The following KIRREL3 variants were observed in gnomAD, a reference collection of about 807,000 sequenced individuals.
KIRREL3 encodes kirre like nephrin family adhesion molecule 3.
A neutral mutation model predicts 89.7 loss-of-function variants in KIRREL3; 36 were observed. The ratio of observed to expected loss-of-function variants is 0.40; its 90% CI spans 0.31 to 0.53. The LOEUF (loss-of-function observed/expected upper bound fraction) is 0.53, where lower values mean the gene tolerates loss of function less well. Among genes scored for constraint, KIRREL3 ranks in the 20% least tolerant of loss-of-function variants. The pLI is 0.49. For synonymous variants in KIRREL3, 445 were observed against 441.4 expected, an observed-to-expected ratio of 1.01 and a Z score of -0.10; for missense variants, 864 against 1,056.6, an observed-to-expected ratio of 0.82 and a Z score of 2.53.
chr11:126,506,257 A>G (rs1958009897), intron 4 of KIRREL3, among the ~76,000 whole-genome samples: 1 of 152,202 alleles, frequency 6.6e-6, no homozygotes, highest in African/African-American at 2.4e-5. Flanking sequence ...TATCAAACTG[A>G]ACTTGATTAA....
chr11:126,590,072 T>C (rs1411336230), intron 1 of KIRREL3, among the ~76,000 whole-genome samples: 1 of 152,230 alleles, frequency 6.6e-6, no homozygotes, highest in Admixed American at 6.5e-5. Flanking sequence ...GTTGAGCATT[T>C]GTTGAGCTCA....
intron 1 of KIRREL3, among the ~76,000 whole-genome samples, chr11:126,806,567 C>T (rs1406200896): frequency 1.3e-5 from 2 of 152,158 alleles, no homozygotes; most frequent in Non-Finnish European, 2.9e-5. Context: ...AGTTGAACTC[C>T]TAGTTGGACC....
At chr11:126,949,184 C>G (rs1591370679) in intron 1 of KIRREL3, among the ~76,000 whole-genome samples, 1 of 152,102 alleles carries the variant, frequency 6.6e-6, no homozygotes, top group Non-Finnish European at 1.5e-5. Context: ...TTCTGGTGAG[C>G]TTTTAAGACA....
rs1949568498 is a variant in KIRREL3, at chr11:126,976,083, T to A, written c.55+24372A>T. 6.6e-6 allele frequency among the ~76,000 whole-genome samples: 1 copy of A among 151,978 alleles called. No individual in the cohort carries two copies. Among genetic ancestry groups the A allele is most frequent in the Non-Finnish European group, 1.5e-5 (1 of 68,006 alleles). On this transcript the variant is annotated intron_variant, in intron 1 of 16. Transcript: ENST00000525144. This position sits in a 1 kb window ranked among gnomAD's most constrained non-coding sequence, Gnocchi z 4.2. ...AGAGGGTGCCATGGGGGTGTTAGCA[T>A]CTTCCAGATGAACACATCGCTTTCT...
intron 1 of KIRREL3, among the ~76,000 whole-genome samples, chr11:126,895,115 G>A (rs1055401571): frequency 1.3e-5 from 2 of 152,104 alleles, no homozygotes; most frequent in African/African-American, 4.8e-5. Context: ...AGCCTGTGAC[G>A]ATTCCTAGTG....
At position 126,999,926 on chromosome 11, in the gene KIRREL3, G is replaced by A. The variant is rs2063678091; in HGVS notation, c.55+529C>T. ...TCTTTACAAGCTTTTCCCAACCACT[G>A]CAAATTACCCCCCACAATACATTCT... On this transcript the variant is annotated intron_variant, in intron 1 of 16. Transcript: ENST00000525144. This position sits in a 1 kb window ranked among gnomAD's most constrained non-coding sequence, Gnocchi z 5.7. Among the ~76,000 whole-genome samples, 1 of 152,100 alleles carries A rather than the reference G, an allele frequency of 6.6e-6. No homozygotes were observed. Among genetic ancestry groups the A allele is most frequent in the South Asian group, 2.1e-4 (1 of 4,830 alleles).
rs1949643794 is a variant in KIRREL3, at chr11:126,978,666, A to G, written c.55+21789T>C. The stretch of plus-strand genomic sequence containing the variant: ...GCACCTGCTACTCCCTCTTCTCCTC[A>G]TCCCGCTCTCTGCCCATTTTCTTAG... On this transcript the variant is annotated intron_variant, in intron 1 of 16. Transcript: ENST00000525144. The surrounding 1 kb of genome is among the most constrained non-coding windows in gnomAD (Gnocchi z 4.2). Among the ~76,000 whole-genome samples the G allele has an allele frequency of 2.0e-5, 3 of 151,778 alleles. No individual in the cohort carries two copies. The highest frequency in any genetic ancestry group is 2.0e-4 in the Admixed American group (3 of 15,220).
rs1490828654 is a variant in KIRREL3 at position 126,912,582 on chromosome 11, T to A, written c.55+87873A>T. Among the ~76,000 whole-genome samples, 1 of 152,140 alleles carries A rather than the reference T, an allele frequency of 6.6e-6. No individual in the cohort carries two copies. The highest frequency in any genetic ancestry group is 1.9e-4 in the East Asian group (1 of 5,192). On this transcript the variant is annotated intron_variant, in intron 1 of 16. Coordinates refer to ENST00000525144, the MANE Select transcript of KIRREL3 (RefSeq NM_032531.4). This position sits in a 1 kb window ranked among gnomAD's most constrained non-coding sequence, Gnocchi z 4.7. ...GGAAATAACTCATCTTATCTATTCA[T>A]CTGGAATACGATCCTGATGAACAGG... is the stretch of plus-strand genomic sequence containing the variant.
intron 2 of KIRREL3, among the ~76,000 whole-genome samples, chr11:126,538,240 C>T (rs1006434739): frequency 6.6e-6 from 1 of 152,234 alleles, no homozygotes; most frequent in Non-Finnish European, 1.5e-5. Context: ...TCAAATGTCA[C>T]CATCTGCCTT....
chr11:126,842,263 A>G (rs1943987779), intron 1 of KIRREL3, among the ~76,000 whole-genome samples: 1 of 152,146 alleles, frequency 6.6e-6, no homozygotes, highest in Admixed American at 6.5e-5. Context: ...CCCTTTCCAC[A>G]TGGATGCCCC....
At chr11:126,634,360 C>T (rs1944176611) in intron 1 of KIRREL3, among the ~76,000 whole-genome samples, 2 of 152,228 alleles carry the variant, frequency 1.3e-5, no homozygotes, top group African/African-American at 2.4e-5. Context: ...TGCCATTGTT[C>T]CCTGTATTGT....
rs35604640 is a variant in KIRREL3, at chr11:126,778,045, GAAAAAAA to G, written c.56-215140_56-215134del. On this transcript the variant is annotated intron_variant, in intron 1 of 16. Coordinates refer to ENST00000525144, the MANE Select transcript of KIRREL3 (RefSeq NM_032531.4). The surrounding 1 kb of genome is among the most constrained non-coding windows in gnomAD (Gnocchi z 4.5). ...ATATGAGAAATACATGCTCATTGTA[GAAAAAAA>G]AAAAAAAAGAAAAACTATAGACAAT... Among the ~76,000 whole-genome samples the G allele has an allele frequency of 9.7e-6, 1 of 103,254 alleles. No homozygotes were observed. The highest frequency in any genetic ancestry group is 2.0e-5 in the Non-Finnish European group (1 of 50,600). 67.7% of individuals were successfully genotyped at this position (103,254 alleles called of 152,430 possible).
At chr11:126,949,898 T>G (rs1412458951) in intron 1 of KIRREL3, among the ~76,000 whole-genome samples, 1 of 152,236 alleles carries the variant, frequency 6.6e-6, no homozygotes, top group Non-Finnish European at 1.5e-5. Flanking sequence ...CATCGAGTTC[T>G]CCACTGTGTA....
Position 126,428,703 on chromosome 11 carries a change from G to A in KIRREL3, c.1806+476C>T, listed in dbSNP as rs1050428130. On this transcript the variant is annotated intron_variant, in intron 15 of 16. Coordinates refer to ENST00000525144, the MANE Select transcript of KIRREL3 (RefSeq NM_032531.4). This position sits in a 1 kb window ranked among gnomAD's most constrained non-coding sequence, Gnocchi z 6.4. ...TCGCTCTCACCCAGGCTGGGGTGCAGTGGCCTGATCTCAGCTCACTGCAAC... is the reference window on the plus strand; with the variant it reads ...TCGCTCTCACCCAGGCTGGGGTGCAATGGCCTGATCTCAGCTCACTGCAAC... 6.6e-6 allele frequency among the ~76,000 whole-genome samples: 1 copy of A among 152,132 alleles called. No individual in the cohort carries two copies.
Position 126,808,779 on chromosome 11 carries a change from T to C in KIRREL3, c.55+191676A>G, listed in dbSNP as rs1176662504. Among the ~76,000 whole-genome samples the C allele has an allele frequency of 6.6e-6, 1 of 152,326 alleles. No homozygotes were observed. Among genetic ancestry groups the C allele is most frequent in the East Asian group, 1.9e-4 (1 of 5,190 alleles). On this transcript the variant is annotated intron_variant, in intron 1 of 16. Transcript: ENST00000525144. The surrounding 1 kb of genome is among the most constrained non-coding windows in gnomAD (Gnocchi z 4.1). ...AATTGTTGAGACGGAGAATATATTT[T>C]GCCATCTCAGTGCTTCTAGAAAAGA...
intron 6 of KIRREL3, 86 bp from the exon 7 acceptor site, chr11:126,456,540 C>T: frequency 2.2e-6 from 2 of 891,486 alleles, no homozygotes; most frequent in Non-Finnish European, 1.7e-6. Context: ...CAGCCAGAGA[C>T]TCCACCACCC....
rs1246872046 is a variant in KIRREL3 at position 126,495,842 on chromosome 11, T to C, written c.434-22376A>G. On this transcript the variant is annotated intron_variant, in intron 4 of 16. Transcript: ENST00000525144. This position sits in a 1 kb window ranked among gnomAD's most constrained non-coding sequence, Gnocchi z 6.5. The stretch of plus-strand genomic sequence containing the variant: ...GTCCTGACACTCAGCAAATGGCAAC[T>C]GCATGCTACCAGGAGCTCAGGCCAA... 6.6e-6 allele frequency among the ~76,000 whole-genome samples: 1 copy of C among 152,228 alleles called. No homozygotes were observed. The highest frequency in any genetic ancestry group is 1.5e-5 in the Non-Finnish European group (1 of 68,032).
chr11:126,722,282 C>T (rs1948205273), intron 1 of KIRREL3, among the ~76,000 whole-genome samples: 1 of 152,266 alleles, frequency 6.6e-6, no homozygotes, highest in African/African-American at 2.4e-5. Flanking sequence ...AAAGGCCCTT[C>T]TCCTGGCCAT....
intron 1 of KIRREL3, among the ~76,000 whole-genome samples, chr11:126,833,606 C>T (rs1229660482): frequency 2.0e-5 from 3 of 152,208 alleles, no homozygotes; most frequent in Non-Finnish European, 4.4e-5. Flanking sequence ...ATTGGAATTT[C>T]TTTATGAAGA....
Sources: allele counts gnomAD v4.1 joint callset (sites outside exome capture counted in the v4.1 genomes callset), GRCh38; gene constraint gnomAD v4.1.1; non-coding constraint Gnocchi (gnomAD v3.1); transcripts MANE v1.5; gene names NCBI Gene and HGNC (gene_info 2026-07-23, HGNC 2026-07-21).